The following DMD variants were observed in gnomAD, a reference collection of about 807,000 sequenced individuals.
DMD encodes the protein dystrophin.
A neutral mutation model predicts 330.1 loss-of-function variants in DMD; 63 were observed. That is an observed-to-expected ratio of 0.19 (90% CI 0.16 to 0.24). DMD has a LOEUF of 0.24. Ranked by LOEUF, DMD falls within the 10% of genes least tolerant of loss-of-function variation. DMD has a pLI of 1.00. For synonymous variants in DMD, 1,223 were observed against 959.8 expected, an observed-to-expected ratio of 1.27 and a Z score of -5.07; for missense variants, 3,344 against 2,684.1, an observed-to-expected ratio of 1.25 and a Z score of -5.43.
chrX:31,474,016 T>G (rs745718219), intron 59 of DMD, among the ~76,000 whole-genome samples: 1 of 112,392 alleles, frequency 8.9e-6, no homozygotes, highest in Admixed American at 9.4e-5. Context: ...TCATGAATTT[T>G]AAAAGTAAAG....
rs1187189771 is a variant in DMD, at chrX:32,310,222, T to C, written c.5977A>G (p.Ile1993Val). The change falls in exon 42 of 79, where the codon ATT becomes GTT. Residue 1993 changes from isoleucine (I) to valine (V), a missense_variant. Coordinates refer to ENST00000357033, the MANE Select transcript of DMD (RefSeq NM_004006.3). ...MVMTEDMPLE[I>V]SYVPSTYLTE... ...AAATAAGTAGAAGGCACATAAGAAA[T>C]TTCCAAAGGCATGTCTTCAGTCATC... 1 of 1,209,364 alleles carries C rather than the reference T, an allele frequency of 8.3e-7. No homozygotes were observed. The highest frequency in any genetic ancestry group is 1.7e-5 in the African/African-American group (1 of 57,592).
intron 49 of DMD, among the ~76,000 whole-genome samples, chrX:31,831,898 A>G (rs971136514): frequency 3.5e-5 from 4 of 112,889 alleles, no homozygotes; most frequent in Non-Finnish European, 7.5e-5. Flanking sequence ...CACCGCGCCC[A>G]GTCGCAAACT....
intron 44 of DMD, among the ~76,000 whole-genome samples, chrX:31,976,445 T>A (rs2095436659): frequency 9.0e-6 from 1 of 111,242 alleles, no homozygotes; most frequent in South Asian, 3.8e-4. Context: ...AAGCTAGCAA[T>A]CATAATCCAA....
intron 74 of DMD, among the ~76,000 whole-genome samples, chrX:31,167,844 T>G (rs1005035696): frequency 1.8e-5 from 2 of 111,865 alleles, no homozygotes; most frequent in African/African-American, 6.5e-5. Flanking sequence ...TGCTAAGTAC[T>G]CTGGAGGATA....
intron 48 of DMD, among the ~76,000 whole-genome samples, chrX:31,847,496 G>A (rs1464052051): frequency 1.8e-5 from 2 of 111,402 alleles, no homozygotes; most frequent in African/African-American, 6.5e-5. Flanking sequence ...TTGCTTGAAG[G>A]GTCAACTGTA....
chrX:32,493,635 G>A (rs1313534631), intron 19 of DMD, among the ~76,000 whole-genome samples: 1 of 111,892 alleles, frequency 8.9e-6, no homozygotes, highest in African/African-American at 3.2e-5. Flanking sequence ...TTGGTATAAA[G>A]TGTAAGAGAA....
intron 44 of DMD, among the ~76,000 whole-genome samples, chrX:32,209,151 A>T (rs1214921784): frequency 8.9e-6 from 1 of 111,990 alleles, no homozygotes; most frequent in East Asian, 2.8e-4. Flanking sequence ...AATAAACATG[A>T]AAACACATAC....
rs767200909 is a variant in DMD, at chrX:31,941,177, CAG to C, written c.6615-8952_6615-8951del. Among the ~76,000 whole-genome samples, 6 of 111,677 alleles carry C rather than the reference CAG, an allele frequency of 5.4e-5. No individual in the cohort carries two copies. In the East Asian group the frequency reaches 1.4e-3, roughly 26 times the overall value. ...GCTTTGGATCTTCATCTGTCAGAGG[CAG>C]AGTTACATCACCTATCAGTAAAGCC... On this transcript the variant is annotated intron_variant, in intron 45 of 78. Coordinates refer to ENST00000357033, the MANE Select transcript of DMD (RefSeq NM_004006.3).
intron 62 of DMD, among the ~76,000 whole-genome samples, chrX:31,317,702 G>A (rs1324218259): frequency 5.5e-5 from 6 of 109,883 alleles, no homozygotes; most frequent in Non-Finnish European, 1.1e-4. Flanking sequence ...TAGTAGAGAC[G>A]GGGTTTCACC....
chrX:33,059,434 A>G (rs2094556690), intron 1 of DMD, among the ~76,000 whole-genome samples: 1 of 109,553 alleles, frequency 9.1e-6, no homozygotes, highest in Non-Finnish European at 1.9e-5. Flanking sequence ...TATAAGTCGG[A>G]TTTATTGGGC....
intron 61 of DMD, 100 bp from the exon 62 acceptor site, chrX:31,323,758 T>C: frequency 1.3e-6 from 1 of 756,581 alleles, no homozygotes; most frequent in Non-Finnish European, 2.0e-6. Flanking sequence ...TACACTGATA[T>C]TGGTCTGTTT....
chrX:32,814,328 G>A (rs767531016), intron 6 of DMD, among the ~76,000 whole-genome samples: 2 of 112,178 alleles, frequency 1.8e-5, no homozygotes, highest in Middle Eastern at 4.6e-3. Flanking sequence ...TGGACTTTGC[G>A]TTTTATCACA....
intron 7 of DMD, among the ~76,000 whole-genome samples, chrX:32,789,819 G>A (rs1176137466): frequency 8.9e-6 from 1 of 111,887 alleles, no homozygotes; most frequent in Non-Finnish European, 1.9e-5. Flanking sequence ...TTGCAAATTT[G>A]AGTTTATATC....
intron 29 of DMD, among the ~76,000 whole-genome samples, chrX:32,415,274 A>C (rs745899612): frequency 3.1e-4 from 35 of 112,273 alleles, no homozygotes; most frequent in Admixed American, 1.0e-3. Context: ...ATGAGATTCT[A>C]TGAGCTGAAA....
At chrX:33,048,408 G>A (rs1166507991) in intron 1 of DMD, among the ~76,000 whole-genome samples, 2 of 110,811 alleles carry the variant, frequency 1.8e-5, no homozygotes, top group African/African-American at 3.3e-5. Context: ...AGAAAAATTC[G>A]ACTGGGAGCG....
intron 59 of DMD, among the ~76,000 whole-genome samples, chrX:31,472,743 C>CACACTACACA (rs2067393879): frequency 8.9e-6 from 1 of 111,934 alleles, no homozygotes; most frequent in South Asian, 3.7e-4. Flanking sequence ...TAATTTCTAG[C>CACACTACACA]CTACTACACA....
At chrX:32,611,181 A>G (rs2057141233) in intron 12 of DMD, among the ~76,000 whole-genome samples, 1 of 99,776 alleles carries the variant, frequency 1.0e-5, no homozygotes, top group African/African-American at 4.1e-5. Flanking sequence ...GGACTTGAAT[A>G]TGAATCTTTC....
intron 2 of DMD, among the ~76,000 whole-genome samples, chrX:32,895,641 A>G (rs1056533773): frequency 2.7e-5 from 3 of 111,876 alleles, no homozygotes; most frequent in African/African-American, 9.8e-5. Flanking sequence ...TTTTCAACAG[A>G]GAGGAATAAT....
intron 59 of DMD, among the ~76,000 whole-genome samples, chrX:31,471,377 C>G (rs184136398): frequency 8.9e-6 from 1 of 111,870 alleles, no homozygotes; most frequent in African/African-American, 3.2e-5. Flanking sequence ...GGCACAGTCC[C>G]TCACGGCTTC....
Sources: gnomAD v4.1 joint callset for allele counts (sites outside exome capture counted in the v4.1 genomes callset) on GRCh38, gnomAD v4.1.1 for gene constraint, MANE v1.5 for transcripts, NCBI Gene and HGNC (gene_info 2026-07-23, HGNC 2026-07-21) for gene names.